Variants in DDX3X observed in about 807,000 individuals in gnomAD.
DDX3X encodes the protein DEAD-box helicase 3 X-linked.
In DDX3X, 4 loss-of-function variants were observed where a neutral mutation model predicts 52.7. The ratio of observed to expected loss-of-function variants is 0.08; its 90% CI spans 0.04 to 0.17. The LOEUF is 0.17. DDX3X is among the 10% of genes least tolerant of loss of function. The pLI, the probability that DDX3X is intolerant of heterozygous loss-of-function variation, is 1.00. For synonymous variants in DDX3X, 192 were observed against 178.1 expected (o/e 1.08, Z -0.62); for missense variants, 222 against 548.6 (o/e 0.40, Z 5.95).
rs773326823 is a variant in DDX3X, at chrX:41,338,438, A to G, written c.104-598A>G. 2.7e-5 allele frequency: 3 copies of G among 111,724 alleles called. No individual in the cohort carries two copies. In the Admixed American group the frequency reaches 2.9e-4, roughly 11 times the overall value. 9.2% of individuals were successfully genotyped at this position (111,724 alleles called of 1,213,427 possible). ...TGACACGTTTACTAGTTATAAAGCA[A>G]ATTTATTTGGCTTTATGTTGTTTTT... On this transcript the variant is annotated intron_variant, in intron 2 of 16. Coordinates refer to ENST00000644876, the MANE Select transcript of DDX3X (RefSeq NM_001356.5).
downstream of DDX3X, chrX:41,350,923 T>G (rs2063980302): frequency 8.9e-6 from 1 of 112,045 alleles, no homozygotes; most frequent in Non-Finnish European, 1.9e-5. Context: ...AAGTTGAAGG[T>G]TTGCAGTATG....
Position 41,347,870 on chromosome X carries a change from G to T in DDX3X, c.*151G>T. ...AATTTTTTTTTTAAGGGAGCTCAAG[G>T]TCACAAGAAGAAATGAAAGGAACAA... On this transcript the variant is annotated 3_prime_UTR_variant, in exon 17 of 17. Coordinates refer to ENST00000644876, the MANE Select transcript of DDX3X (RefSeq NM_001356.5). 4.7e-6 allele frequency: 2 copies of T among 425,694 alleles called. No individual in the cohort carries two copies. Among genetic ancestry groups the T allele is most frequent in the Middle Eastern group, 6.4e-4 (1 of 1,560 alleles). 35.1% of individuals were successfully genotyped at this position (425,694 alleles called of 1,213,427 possible). A position where few individuals can be genotyped will look rare whatever the true frequency, so the allele number is the denominator to read the frequency against.
At chrX:41,350,950 A>T (rs1459212276), downstream of DDX3X, 1 of 111,865 alleles carries the variant, frequency 8.9e-6, no homozygotes, top group Non-Finnish European at 1.9e-5. Flanking sequence ...AATTTTTTGC[A>T]TTGTAAGGAA....
At chrX:41,354,469 G>A (rs1323045364), downstream of DDX3X, among the ~76,000 whole-genome samples, 17 of 107,066 alleles carry the variant, frequency 1.6e-4, no homozygotes, top group Admixed American at 6.2e-4. Context: ...GACTACAGGC[G>A]TGTGCCACCA....
At position 41,349,475 on chromosome X, in the gene DDX3X, G is replaced by C. The variant is rs1396065129; in HGVS notation, c.*1756G>C. The C allele has an allele frequency of 3.6e-5, 4 of 111,849 alleles. No individual in the cohort carries two copies. Among genetic ancestry groups the C allele is most frequent in the Non-Finnish European group, 5.6e-5 (3 of 53,171 alleles). 9.2% of individuals were successfully genotyped at this position (111,849 alleles called of 1,213,427 possible). On this transcript the variant is annotated 3_prime_UTR_variant, in exon 17 of 17. Coordinates refer to ENST00000644876, the MANE Select transcript of DDX3X (RefSeq NM_001356.5). ...GGAAGAAAACTATTTGCACACGACA[G>C]ATTTCTAGATACTTTTTGCTGCTAG...
At chrX:41,362,489 C>T (rs2064033470) in intron 5 of DDX3X, among the ~76,000 whole-genome samples, 1 of 111,272 alleles carries the variant, frequency 9.0e-6, no homozygotes, top group African/African-American at 3.3e-5. Context: ...TCCTGCCAAC[C>T]TTCCCTCATC....
chrX:41,358,707 A>G (rs776551870), intron 5 of DDX3X, among the ~76,000 whole-genome samples: 61 of 111,715 alleles, frequency 5.5e-4, no homozygotes, highest in Admixed American at 1.9e-4. Flanking sequence ...ATGGAGCACA[A>G]AAGCAGCTGC....
Position 41,348,647 on chromosome X carries a change from C to T in DDX3X, c.*928C>T, listed in dbSNP as rs1432857432. ...GAAATGGTAGAATGGCTGACCACAG[C>T]AATGACCAGCCCTCATTAGGGCCCT... On this transcript the variant is annotated 3_prime_UTR_variant, in exon 17 of 17. Transcript: ENST00000644876. The T allele has an allele frequency of 8.9e-6, 1 of 112,564 alleles. No individual in the cohort carries two copies. Among genetic ancestry groups the T allele is most frequent in the Admixed American group, 9.5e-5 (1 of 10,560 alleles). 9.3% of individuals were successfully genotyped at this position (112,564 alleles called of 1,213,427 possible).
intron 7 of DDX3X, 74 bp downstream of exon 7, chrX:41,343,425 T>TA: frequency 1.0e-6 from 1 of 997,500 alleles, no homozygotes; most frequent in African/African-American, 1.9e-5. Flanking sequence ...TTTTATTTTT[T>TA]ATGGGTCATG....
intron 3 of DDX3X, chrX:41,339,623 A>G (rs983845046): frequency 1.8e-5 from 2 of 112,292 alleles, no homozygotes; most frequent in Non-Finnish European, 3.8e-5. Context: ...GTAGTGATAG[A>G]TGACAGCTAG....
At chrX:41,338,453 ATGT>A (rs900003894) in intron 2 of DDX3X, 6 of 111,772 alleles carry the variant, frequency 5.4e-5, no homozygotes, top group Admixed American at 9.5e-5. Flanking sequence ...ATTTGGCTTT[ATGT>A]TGTTTTTTTT....
downstream of DDX3X, chrX:41,350,740 A>G (rs1250429407): frequency 9.0e-6 from 1 of 111,704 alleles, no homozygotes; most frequent in Non-Finnish European, 1.9e-5. Context: ...CAGCCTGGGC[A>G]ACGTATAGCA....
intron 16 of DDX3X, 85 bp downstream of exon 16, chrX:41,347,536 A>C: frequency 8.6e-7 from 1 of 1,157,784 alleles, no homozygotes; most frequent in Non-Finnish European, 1.2e-6. Flanking sequence ...AAACAATTTA[A>C]GTTCAGCACT....
intron 5 of DDX3X, among the ~76,000 whole-genome samples, chrX:41,360,112 T>G (rs1405930253): frequency 9.0e-6 from 1 of 111,285 alleles, no homozygotes; most frequent in East Asian, 2.9e-4. Context: ...GCATGGTGGC[T>G]CATGCCTGTA....
intron 7 of DDX3X, 186 bp from the exon 8 acceptor site, chrX:41,343,551 T>C (rs2063881548): frequency 3.2e-5 from 17 of 539,181 alleles, no homozygotes; most frequent in Non-Finnish European, 4.9e-5. Flanking sequence ...ATAACAGGCT[T>C]TATTTACAAA....
downstream of DDX3X, among the ~76,000 whole-genome samples, chrX:41,352,462 T>C (rs2073820959): frequency 9.0e-6 from 1 of 111,341 alleles, no homozygotes; most frequent in African/African-American, 3.3e-5. Context: ...CAGTCAACAT[T>C]AGTGGTATGC....
chrX:41,341,641 C>T (rs1383514565), intron 4 of DDX3X, 25 bp downstream of exon 4: 16 of 1,191,239 alleles, frequency 1.3e-5, no homozygotes, highest in East Asian at 3.0e-5. Flanking sequence ...AATCACCTTA[C>T]GTGTATGTAT....
intron 4 of DDX3X, 79 bp from the exon 5 acceptor site, chrX:41,342,415 CA>C (rs2063864456): frequency 3.7e-6 from 4 of 1,075,465 alleles, no homozygotes; most frequent in Non-Finnish European, 5.1e-6. Flanking sequence ...CTTAAGTCTC[CA>C]GATACAGTTC....
At position 41,334,181 on chromosome X, in the gene DDX3X, G is replaced by A. The variant is rs145191840; in HGVS notation, c.-72G>A. ...CGCTCCAGAGCCGCAGTTCTCCCGT[G>A]AGAGGGCCTTCGCGGTGGAACAAAC... On this transcript the variant is annotated 5_prime_UTR_variant, in exon 1 of 17. Coordinates refer to ENST00000644876, the MANE Select transcript of DDX3X (RefSeq NM_001356.5). The A allele has an allele frequency of 2.4e-3, 2,630 of 1,088,390 alleles. 46 individuals carry two copies. The African/African-American group carries it at 0.041, about 17-fold the overall frequency. The allele number at this position is 1,088,390 out of a possible 1,213,427, so 89.7% of individuals were successfully genotyped here.
Sources: allele counts gnomAD v4.1 joint callset (sites outside exome capture counted in the v4.1 genomes callset), GRCh38; gene constraint gnomAD v4.1.1; transcripts MANE v1.5; gene names NCBI Gene and HGNC (gene_info 2026-07-23, HGNC 2026-07-21).